Variants in C12orf42 observed in about 807,000 individuals in gnomAD.
The protein encoded by C12orf42 is uncharacterized protein C12orf42.
Under a neutral mutation model 21.6 loss-of-function variants are expected in C12orf42, and 25 were observed. The ratio of observed to expected loss-of-function variants is 1.16; its 90% CI spans 0.84 to 1.62. The LOEUF (loss-of-function observed/expected upper bound fraction) is 1.62, where lower values mean the gene tolerates loss of function less well. Ranked by LOEUF, C12orf42 falls within the 40% of genes most tolerant of loss-of-function variation. The probability of loss-of-function intolerance (pLI) is 0.00; values close to 1 mark genes in which losing one functional copy is unlikely to be tolerated. For synonymous variants in C12orf42, 174 were observed against 175.0 expected (o/e 0.99, Z 0.05); for missense variants, 483 against 459.3 (o/e 1.05, Z -0.47).
At chr12:103,552,537 G>C in the C12orf42 span, among the ~76,000 whole-genome samples, 35 of 152,266 alleles carry the variant, frequency 2.3e-4, no homozygotes, top group African/African-American at 6.7e-4. Context: ...CAAGGGAATG[G>C]TGAAAAGGAA....
intron 4 of C12orf42, among the ~76,000 whole-genome samples, chr12:103,278,266 A>G (rs1593267240): frequency 6.6e-6 from 1 of 152,354 alleles, no homozygotes; most frequent in East Asian, 1.9e-4. Context: ...ATTTTCTGTG[A>G]AAATGAAACT....
the C12orf42 span, among the ~76,000 whole-genome samples, chr12:103,109,907 C>T: frequency 6.6e-6 from 1 of 152,042 alleles, no homozygotes; most frequent in East Asian, 1.9e-4. Flanking sequence ...AAGTAATTCA[C>T]AGAGAGGGAG....
chr12:103,364,925 T>C (rs529800258), intron 4 of C12orf42, among the ~76,000 whole-genome samples: 4 of 152,196 alleles, frequency 2.6e-5, no homozygotes, highest in Admixed American at 6.5e-5. Flanking sequence ...GTACCAATCC[T>C]ATTGACAGTA....
chr12:103,521,799 AT>A, the C12orf42 span, among the ~76,000 whole-genome samples: 4 of 152,036 alleles, frequency 2.6e-5, no homozygotes, highest in Non-Finnish European at 5.9e-5. Context: ...CCTCATAAAC[AT>A]TTTCCCCTCT....
At chr12:103,088,218 G>A in the C12orf42 span, among the ~76,000 whole-genome samples, 1 of 152,198 alleles carries the variant, frequency 6.6e-6, no homozygotes, top group Admixed American at 6.5e-5. Context: ...TGTGAAGATG[G>A]CTGAATTCTA....
chr12:103,225,049 C>A, the C12orf42 span, among the ~76,000 whole-genome samples: 1 of 152,158 alleles, frequency 6.6e-6, no homozygotes, highest in Non-Finnish European at 1.5e-5. Flanking sequence ...AGCCTTGCGG[C>A]AGTACAGCCT....
At chr12:103,149,829 A>G in the C12orf42 span, among the ~76,000 whole-genome samples, 1 of 152,176 alleles carries the variant, frequency 6.6e-6, no homozygotes, top group South Asian at 2.1e-4. Context: ...AGCAGTGTGA[A>G]AAAGGATTAA....
intron 4 of C12orf42, among the ~76,000 whole-genome samples, chr12:103,312,783 G>A (rs1186477470): frequency 2.0e-5 from 3 of 152,284 alleles, no homozygotes; most frequent in East Asian, 3.9e-4. Context: ...TAATATTGTG[G>A]CAGATGATTT....
the C12orf42 span, among the ~76,000 whole-genome samples, chr12:103,517,864 A>T: frequency 6.6e-6 from 1 of 152,254 alleles, no homozygotes; most frequent in Admixed American, 6.5e-5. Flanking sequence ...TTTGAAAGAA[A>T]ACCCACAGAA....
the C12orf42 span, among the ~76,000 whole-genome samples, chr12:103,221,015 C>T: frequency 4.1e-4 from 63 of 152,356 alleles, no homozygotes; most frequent in African/African-American, 1.2e-3. Context: ...CAGGATTAAC[C>T]TGCTTTGTTG....
Position 103,302,161 on chromosome 12 carries a change from T to C in C12orf42, c.1030A>G (p.Thr344Ala). The C allele has an allele frequency of 6.2e-7, 1 of 1,612,828 alleles. No individual in the cohort carries two copies. The highest frequency in any genetic ancestry group is 8.5e-7 in the Non-Finnish European group (1 of 1,179,486). The change falls in exon 6 of 6, where the codon ACG (threonine) becomes GCG (alanine). Residue 344 changes from threonine (T) to alanine (A), a missense_variant. By Grantham distance (58) the Thr-to-Ala change is moderately conservative. Transcript: ENST00000548883. ...APPRPTRRFH[T>A]VCSQALSRPV... ...CTAGAAAGGGCCTGTGAACAAACCG[T>C]ATGGAAACGCCGGGTTGGGCGGGGG...
At chr12:103,072,164 G>A in the C12orf42 span, among the ~76,000 whole-genome samples, 1 of 152,242 alleles carries the variant, frequency 6.6e-6, no homozygotes, top group East Asian at 1.9e-4. Context: ...GACCTGGCAA[G>A]GATGACTTTT....
chr12:103,285,509 A>C (rs2036388310), intron 4 of C12orf42, among the ~76,000 whole-genome samples: 1 of 152,234 alleles, frequency 6.6e-6, no homozygotes, highest in Non-Finnish European at 1.5e-5. Flanking sequence ...TTATAAATAT[A>C]CACAAGTATA....
chr12:103,355,273 C>T (rs1056385594), intron 4 of C12orf42, among the ~76,000 whole-genome samples: 2 of 152,040 alleles, frequency 1.3e-5, no homozygotes, highest in Admixed American at 1.3e-4. Context: ...AGCAGTCTTA[C>T]CATATGGATC....
the C12orf42 span, among the ~76,000 whole-genome samples, chr12:103,084,762 C>A: frequency 1.3e-5 from 2 of 152,112 alleles, no homozygotes; most frequent in African/African-American, 4.8e-5. Flanking sequence ...GGTACAATGA[C>A]AGTAACAACA....
the C12orf42 span, among the ~76,000 whole-genome samples, chr12:103,113,054 G>A: frequency 1.3e-5 from 2 of 151,934 alleles, no homozygotes; most frequent in African/African-American, 2.4e-5. Flanking sequence ...ACCATCTAAC[G>A]TATTGTGATA....
At chr12:103,252,705 A>C (rs551450264) in intron 10 of C12orf42, among the ~76,000 whole-genome samples, 1 of 152,048 alleles carries the variant, frequency 6.6e-6, no homozygotes, top group Non-Finnish European at 1.5e-5. Context: ...CCCTTTGTCA[A>C]ATGAATAGAT....
the C12orf42 span, among the ~76,000 whole-genome samples, chr12:103,228,445 G>A: frequency 6.6e-6 from 1 of 152,084 alleles, no homozygotes; most frequent in African/African-American, 2.4e-5. Context: ...TTAAGGTGGG[G>A]CAGGGCATAT....
Position 103,368,315 on chromosome 12 carries a change from TCTCA to T in C12orf42, c.259+568_259+571del, listed in dbSNP as rs1194721445. ...CTTTCTCTCTCTTTCTGTCTCTCTCTCTCACACACACACACACACACACACACAC... is the reference window on the plus strand; with the variant it reads ...CTTTCTCTCTCTTTCTGTCTCTCTCTCACACACACACACACACACACACAC... On this transcript the variant is annotated intron_variant, in intron 4 of 5. Transcript: ENST00000548883. Among the ~76,000 whole-genome samples, 450 of 135,472 alleles carry T rather than the reference TCTCA, an allele frequency of 3.3e-3. 1 individual carries two copies. The highest frequency in any genetic ancestry group is 0.015 in the African/African-American group (431 of 28,042). 88.9% of individuals were successfully genotyped at this position (135,472 alleles called of 152,430 possible).
Sources: allele counts gnomAD v4.1 joint callset (sites outside exome capture counted in the v4.1 genomes callset), GRCh38; gene constraint gnomAD v4.1.1; transcripts MANE v1.5; gene names NCBI Gene and HGNC (gene_info 2026-07-23, HGNC 2026-07-21).